Variants in CCDC148 observed in about 807,000 individuals in gnomAD.
The protein encoded by CCDC148 is coiled-coil domain-containing protein 148.
A neutral mutation model predicts 85.7 loss-of-function variants in CCDC148; 89 were observed. That is an observed-to-expected ratio of 1.04 (90% CI 0.87 to 1.24). CCDC148 has a LOEUF of 1.24. CCDC148 is among the 50% of genes most tolerant of loss of function. The pLI is 0.00. For missense variants in CCDC148, 692 were observed against 671.7 expected (o/e 1.03, Z -0.33); for synonymous variants, 230 against 213.9 (o/e 1.08, Z -0.66).
chr2:158,284,567 G>T (rs2105180273), intron 9 of CCDC148, among the ~76,000 whole-genome samples: 1 of 152,276 alleles, frequency 6.6e-6, no homozygotes, highest in Admixed American at 6.5e-5. Flanking sequence ...GAAGGAATCT[G>T]AGTGAAAAAC....
rs78255512 is a variant in CCDC148, at chr2:158,268,419, G to A, written c.1111-17507C>T. The stretch of plus-strand genomic sequence containing the variant: ...ATCAAACATCTGTGTACCATCTCAC[G>A]TCCTCTATACCAAATTTTTAAAATT... On this transcript the variant is annotated intron_variant, in intron 9 of 13. Coordinates refer to ENST00000283233, the MANE Select transcript of CCDC148 (RefSeq NM_138803.4). Among the ~76,000 whole-genome samples, 1,132 of 152,034 alleles carry A rather than the reference G, an allele frequency of 7.4e-3. 19 individuals carry two copies. Among genetic ancestry groups the A allele is most frequent in the African/African-American group, 0.026 (1,072 of 41,448 alleles).
At chr2:158,398,030 AG>A (rs2105303229) in intron 1 of CCDC148, among the ~76,000 whole-genome samples, 1 of 152,330 alleles carries the variant, frequency 6.6e-6, no homozygotes, top group African/African-American at 2.4e-5. Flanking sequence ...GAGACAAAGA[AG>A]GCCATTACAT....
intron 9 of CCDC148, among the ~76,000 whole-genome samples, chr2:158,263,428 A>G (rs1689318883): frequency 6.6e-6 from 1 of 151,994 alleles, no homozygotes; most frequent in Admixed American, 6.6e-5. Flanking sequence ...ACCACTTTAC[A>G]TGTGTATCCC....
chr2:158,357,322 C>T (rs954496943), intron 2 of CCDC148, among the ~76,000 whole-genome samples: 2 of 151,448 alleles, frequency 1.3e-5, no homozygotes, highest in Non-Finnish European at 2.9e-5. Context: ...ATTTTGCTGA[C>T]TATTGTATCT....
intron 1 of CCDC148, among the ~76,000 whole-genome samples, chr2:158,391,789 T>C (rs1685319761): frequency 6.6e-6 from 1 of 152,122 alleles, no homozygotes; most frequent in Admixed American, 6.6e-5. Flanking sequence ...GAAAATAGCT[T>C]TGGGACTGTG....
intron 10 of CCDC148, among the ~76,000 whole-genome samples, chr2:158,223,543 C>T (rs1428644632): frequency 6.6e-6 from 1 of 152,156 alleles, no homozygotes; most frequent in Non-Finnish European, 1.5e-5. Flanking sequence ...CCCTGACCCC[C>T]CTGTAGCCTA....
chr2:158,204,766 C>T (rs1385364699), intron 11 of CCDC148, among the ~76,000 whole-genome samples: 1 of 152,160 alleles, frequency 6.6e-6, no homozygotes, highest in East Asian at 1.9e-4. Context: ...TGAAAACATA[C>T]ACCAAGAAGA....
intron 10 of CCDC148, among the ~76,000 whole-genome samples, chr2:158,223,177 G>A (rs1485893447): frequency 6.6e-6 from 1 of 152,122 alleles, no homozygotes. Context: ...CATATCCCTC[G>A]CCTGGCTTGG....
intron 10 of CCDC148, among the ~76,000 whole-genome samples, chr2:158,244,701 T>A (rs7559893): frequency 6.6e-6 from 1 of 151,930 alleles, no homozygotes; most frequent in Admixed American, 6.6e-5. Context: ...CAGGACCACT[T>A]GATAATTTTA....
intron 9 of CCDC148, among the ~76,000 whole-genome samples, chr2:158,255,307 G>C (rs2105146321): frequency 6.6e-6 from 1 of 151,680 alleles, no homozygotes; most frequent in South Asian, 2.1e-4. Context: ...AAAAAAAAAG[G>C]GGGGCGGGTA....
intron 9 of CCDC148, among the ~76,000 whole-genome samples, chr2:158,256,775 C>CAGATG (rs1689028607): frequency 6.6e-6 from 1 of 151,762 alleles, no homozygotes; most frequent in Non-Finnish European, 1.5e-5. Context: ...AGTCTTGGCT[C>CAGATG]AGATGCCATT....
rs563969627 is a variant in CCDC148 at position 158,369,346 on chromosome 2, C to T, written c.26-10776G>A. 8.5e-5 allele frequency among the ~76,000 whole-genome samples: 13 copies of T among 152,174 alleles called. No homozygotes were observed. In the South Asian group the frequency reaches 1.5e-3, roughly 17 times the overall value. On this transcript the variant is annotated intron_variant, in intron 1 of 13. Transcript: ENST00000283233. Reference sequence around the variant, plus strand: ...CATTTGTTTCTGTCCTCTCTTATTTCCTTGAGCAGTGGTTTGTAGTTCTCC... The same window carrying T: ...CATTTGTTTCTGTCCTCTCTTATTTTCTTGAGCAGTGGTTTGTAGTTCTCC...
At chr2:158,235,558 G>A (rs74810136) in intron 10 of CCDC148, among the ~76,000 whole-genome samples, 4,068 of 152,212 alleles carry the variant, frequency 0.027, 158 homozygotes, top group African/African-American at 0.087. Flanking sequence ...TGATCTGCTG[G>A]TATGTTCTCT....
chr2:158,330,023 G>T (rs1167062158), intron 7 of CCDC148, among the ~76,000 whole-genome samples: 3 of 152,050 alleles, frequency 2.0e-5, no homozygotes, highest in Admixed American at 1.3e-4. Context: ...TGATTGCCCT[G>T]GCCAGAACTT....
At position 158,406,423 on chromosome 2, in the gene CCDC148, A is replaced by G. The variant is rs115939781; in HGVS notation, c.26-47853T>C. Among the ~76,000 whole-genome samples, 323 of 152,106 alleles carry G rather than the reference A, an allele frequency of 2.1e-3. 1 individual carries two copies. The highest frequency in any genetic ancestry group is 7.1e-3 in the African/African-American group (295 of 41,516). ...GCTGGGCCTGTATGTTTCTAGTTCAAAATAAAATGTCCTGTGGGCTAGTGT... is the reference window on the plus strand; with the variant it reads ...GCTGGGCCTGTATGTTTCTAGTTCAGAATAAAATGTCCTGTGGGCTAGTGT... On this transcript the variant is annotated intron_variant, in intron 1 of 13. Coordinates refer to ENST00000283233, the MANE Select transcript of CCDC148 (RefSeq NM_138803.4).
At chr2:158,335,038 G>T (rs1008119499) in intron 7 of CCDC148, among the ~76,000 whole-genome samples, 1 of 152,224 alleles carries the variant, frequency 6.6e-6, no homozygotes, top group South Asian at 2.1e-4. Context: ...AGTCACACTG[G>T]TTTAAGACAA....
intron 1 of CCDC148, among the ~76,000 whole-genome samples, chr2:158,362,989 C>T (rs1183621292): frequency 6.6e-6 from 1 of 152,114 alleles, no homozygotes; most frequent in African/African-American, 2.4e-5. Flanking sequence ...GGGTATATCA[C>T]CACTGATCCC....
chr2:158,382,444 A>G (rs907810097), intron 1 of CCDC148, among the ~76,000 whole-genome samples: 1 of 152,250 alleles, frequency 6.6e-6, no homozygotes, highest in African/African-American at 2.4e-5. Context: ...GTCCTGTCCA[A>G]TGGGAAATGT....
chr2:158,266,565 C>T lies in CCDC148; in HGVS notation c.1111-15653G>A, dbSNP rs115407325. Among the ~76,000 whole-genome samples, 1,126 of 152,094 alleles carry T rather than the reference C, an allele frequency of 7.4e-3. 19 individuals carry two copies. The highest frequency in any genetic ancestry group is 0.026 in the African/African-American group (1,074 of 41,484). ...GGTGATTTGTGAGATTTTGGTGCACCCATTTCCCGAGCAGTATACAGTGAA... is the reference window on the plus strand; with the variant it reads ...GGTGATTTGTGAGATTTTGGTGCACTCATTTCCCGAGCAGTATACAGTGAA... On this transcript the variant is annotated intron_variant, in intron 9 of 13. Transcript: ENST00000283233.
Sources: gnomAD v4.1 joint callset for allele counts (sites outside exome capture counted in the v4.1 genomes callset) on GRCh38, gnomAD v4.1.1 for gene constraint, MANE v1.5 for transcripts, NCBI Gene and HGNC (gene_info 2026-07-23, HGNC 2026-07-21) for gene names.